The following TERF1 variants were observed in gnomAD, a reference collection of about 807,000 sequenced individuals.
TERF1 encodes telomeric repeat-binding factor 1.
In TERF1, 20 loss-of-function variants were observed where a neutral mutation model predicts 55.1. That is an observed-to-expected ratio of 0.36 (90% CI 0.26 to 0.53). The LOEUF (loss-of-function observed/expected upper bound fraction) is 0.53, where lower values mean the gene tolerates loss of function less well. Among genes scored for constraint, TERF1 ranks in the 20% least tolerant of loss-of-function variants. The pLI is 0.91. For missense variants in TERF1, 439 were observed against 535.7 expected (o/e 0.82, Z 1.78); for synonymous variants, 168 against 181.2 (o/e 0.93, Z 0.59).
rs55830921 is a variant in TERF1 at position 73,041,547 on chromosome 8, G to A, written c.1143+2328G>A. On this transcript the variant is annotated intron_variant, in intron 9 of 9. Coordinates refer to ENST00000276603, the MANE Select transcript of TERF1 (RefSeq NM_017489.3). Reference sequence around the variant, plus strand: ...TTGGGTGAGACATGAAGGCTAGAGAGGGGTGGAGTTGAGTATTTCCACAGG... The same window carrying A: ...TTGGGTGAGACATGAAGGCTAGAGAAGGGTGGAGTTGAGTATTTCCACAGG... Among the ~76,000 whole-genome samples, 1,056 of 152,258 alleles carry A rather than the reference G, an allele frequency of 6.9e-3. 8 individuals carry two copies. Among genetic ancestry groups the A allele is most frequent in the African/African-American group, 0.023 (971 of 41,526 alleles).
At chr8:73,025,456 C>CA (rs1808941732) in intron 5 of TERF1, among the ~76,000 whole-genome samples, 1 of 150,078 alleles carries the variant, frequency 6.7e-6, no homozygotes, top group Admixed American at 6.6e-5. Flanking sequence ...CAAAAAAATA[C>CA]AAAAAAATTA....
chr8:73,037,211 A>T (rs1020972352), intron 8 of TERF1, among the ~76,000 whole-genome samples: 3 of 135,872 alleles, frequency 2.2e-5, no homozygotes, highest in East Asian at 4.0e-4. Flanking sequence ...AATATAATTT[A>T]TATATAATTA....
chr8:73,032,955 G>T (rs1184531777), intron 8 of TERF1, among the ~76,000 whole-genome samples: 2 of 151,178 alleles, frequency 1.3e-5, no homozygotes, highest in African/African-American at 4.9e-5. Context: ...TGCCATGTTG[G>T]TGTGCTGCAC....
At chr8:73,039,022 T>G in intron 8 of TERF1, 94 bp from the exon 9 acceptor site, 1 of 968,686 alleles carries the variant, frequency 1.0e-6, no homozygotes, top group Non-Finnish European at 1.5e-6. Context: ...TAGAATAGCT[T>G]AGAAAAGGAA....
intron 6 of TERF1, among the ~76,000 whole-genome samples, chr8:73,028,192 A>C (rs961032767): frequency 6.6e-6 from 1 of 152,164 alleles, no homozygotes; most frequent in African/African-American, 2.4e-5. Flanking sequence ...TCATGAGCAC[A>C]CTTCCTATGG....
At chr8:73,019,409 T>C (rs1808654725) in intron 2 of TERF1, among the ~76,000 whole-genome samples, 2 of 152,204 alleles carry the variant, frequency 1.3e-5, no homozygotes, top group Admixed American at 1.3e-4. Context: ...CTCCATTTTT[T>C]CCTCATGCTC....
intron 8 of TERF1, among the ~76,000 whole-genome samples, chr8:73,035,307 A>T (rs879280076): frequency 6.6e-6 from 1 of 152,138 alleles, no homozygotes; most frequent in Non-Finnish European, 1.5e-5. Flanking sequence ...ATACTTTTTC[A>T]TTTTTGTAGA....
chr8:73,022,128 T>G, intron 3 of TERF1, 88 bp from the exon 4 acceptor site: 3 of 748,576 alleles, frequency 4.0e-6, no homozygotes, highest in Non-Finnish European at 6.5e-6. Context: ...CAACAGAGGA[T>G]TTCAGACTTA....
rs747567226 is a variant in TERF1, at chr8:73,035,421, A to AT, written c.1039+3301dup. Among the ~76,000 whole-genome samples, 561 of 144,182 alleles carry AT rather than the reference A, an allele frequency of 3.9e-3. 2 individuals are homozygous for AT. The highest frequency in any genetic ancestry group is 0.01 in the African/African-American group (410 of 39,488). 94.6% of individuals were successfully genotyped at this position (144,182 alleles called of 152,430 possible). ...TTCAGTCTGTGAATATGCTTCGTAG[A>AT]TTTTTTTTTTTTTAAGATTTGTTTT... is the stretch of plus-strand genomic sequence containing the variant. On this transcript the variant is annotated intron_variant, in intron 8 of 9. Coordinates refer to ENST00000276603, the MANE Select transcript of TERF1 (RefSeq NM_017489.3).
chr8:73,032,177 TC>T, intron 8 of TERF1, 44 bp downstream of exon 8: 11 of 1,383,010 alleles, frequency 8.0e-6, no homozygotes, highest in Non-Finnish European at 1.1e-5. Context: ...AATTGATGTG[TC>T]CTCAAACAAT....
At chr8:73,043,416 A>G (rs1318222518) in intron 9 of TERF1, 1 of 152,234 alleles carries the variant, frequency 6.6e-6, no homozygotes, top group East Asian at 1.9e-4. Flanking sequence ...ATCTATACTG[A>G]CAACATTACT....
At chr8:73,037,713 A>G (rs1224036059) in intron 8 of TERF1, among the ~76,000 whole-genome samples, 3 of 88,356 alleles carry the variant, frequency 3.4e-5, no homozygotes, top group Admixed American at 1.9e-4. Flanking sequence ...ATTATATTAT[A>G]TATAATATAT....
intron 9 of TERF1, 139 bp downstream of exon 9, chr8:73,039,358 TTAGA>T (rs1233200630): frequency 1.9e-5 from 11 of 585,404 alleles, no homozygotes; most frequent in South Asian, 5.6e-5. Context: ...TTTTGCCGTC[TTAGA>T]TAGGTGACTA....
chr8:73,014,524 C>A (rs1808414293), intron 2 of TERF1, among the ~76,000 whole-genome samples: 1 of 152,154 alleles, frequency 6.6e-6, no homozygotes, highest in Non-Finnish European at 1.5e-5. Context: ...TAATCTCTCT[C>A]CCTTGTCTCT....
At chr8:73,045,470 A>C (rs1353625827) in intron 9 of TERF1, among the ~76,000 whole-genome samples, 1 of 152,190 alleles carries the variant, frequency 6.6e-6, no homozygotes, top group East Asian at 1.9e-4. Flanking sequence ...GTTTTTAATT[A>C]GTTTATGTTA....
chr8:73,040,577 G>A (rs939000312), intron 9 of TERF1, among the ~76,000 whole-genome samples: 1 of 152,110 alleles, frequency 6.6e-6, no homozygotes, highest in African/African-American at 2.4e-5. Flanking sequence ...TGATGTACAT[G>A]TATATAGTTT....
intron 8 of TERF1, among the ~76,000 whole-genome samples, chr8:73,037,693 ATAGTATAATATT>A (rs1809613319): frequency 2.2e-5 from 1 of 44,452 alleles, no homozygotes; most frequent in African/African-American, 9.6e-5. Context: ...TATATATTAT[ATAGTATAATATT>A]ATATTATATA....
intron 9 of TERF1, among the ~76,000 whole-genome samples, chr8:73,040,677 C>T (rs1382080396): frequency 3.9e-5 from 6 of 152,116 alleles, no homozygotes; most frequent in Non-Finnish European, 7.4e-5. Context: ...GCCATTATTA[C>T]TTCAAATCTT....
chr8:73,045,799 G>A (rs1423504728), intron 9 of TERF1, among the ~76,000 whole-genome samples, 162 bp from the exon 10 acceptor site: 1 of 152,140 alleles, frequency 6.6e-6, no homozygotes, highest in Non-Finnish European at 1.5e-5. Flanking sequence ...AAAATGTTAC[G>A]ATAAATGTAA....
Sources: gnomAD v4.1 joint callset for allele counts (sites outside exome capture counted in the v4.1 genomes callset) on GRCh38, gnomAD v4.1.1 for gene constraint, MANE v1.5 for transcripts, NCBI Gene and HGNC (gene_info 2026-07-23, HGNC 2026-07-21) for gene names.